The following CDH18 variants were observed in gnomAD, a reference collection of about 807,000 sequenced individuals.
CDH18 encodes cadherin-18.
In CDH18, 31 loss-of-function variants were observed where a neutral mutation model predicts 67.9. That is an observed-to-expected ratio of 0.46 (90% CI 0.34 to 0.62). The LOEUF (loss-of-function observed/expected upper bound fraction) is 0.62, where lower values mean the gene tolerates loss of function less well. Ranked by LOEUF, CDH18 falls within the 20% of genes least tolerant of loss-of-function variation. The pLI is 0.01. For missense variants in CDH18, 890 were observed against 975.5 expected (o/e 0.91, Z 1.17); for synonymous variants, 362 against 347.2 (o/e 1.04, Z -0.48).
chr5:20,327,188 A>G (rs1318272507), intron 1 of CDH18, among the ~76,000 whole-genome samples: 1 of 152,198 alleles, frequency 6.6e-6, no homozygotes, highest in Non-Finnish European at 1.5e-5. Context: ...CATTATGCCA[A>G]AGGGAAAGTT....
intron 5 of CDH18, among the ~76,000 whole-genome samples, chr5:19,641,986 T>C (rs1754067463): frequency 6.6e-6 from 1 of 152,058 alleles, no homozygotes; most frequent in Middle Eastern, 3.4e-3. Flanking sequence ...ATAATAAATC[T>C]AGTAAATTTG....
chr5:20,053,384 G>C (rs1741614973), intron 2 of CDH18, among the ~76,000 whole-genome samples: 1 of 151,348 alleles, frequency 6.6e-6, no homozygotes. Context: ...TTATTTCTTA[G>C]TGAGTCGATC....
chr5:20,133,999 G>T (rs1196323057), intron 2 of CDH18, among the ~76,000 whole-genome samples: 2 of 151,686 alleles, frequency 1.3e-5, no homozygotes, highest in Non-Finnish European at 2.9e-5. Flanking sequence ...TTTCTTTTTT[G>T]AGACAGTCTT....
At chr5:19,510,600 G>A (rs896571350) in intron 10 of CDH18, among the ~76,000 whole-genome samples, 1 of 152,072 alleles carries the variant, frequency 6.6e-6, no homozygotes, top group Non-Finnish European at 1.5e-5. Flanking sequence ...TATTAGAAGG[G>A]TAGTAATGTC....
intron 2 of CDH18, among the ~76,000 whole-genome samples, chr5:20,116,527 A>AAT (rs2126383666): frequency 6.6e-6 from 1 of 152,086 alleles, no homozygotes; most frequent in South Asian, 2.1e-4. Flanking sequence ...AAAAAAAAAA[A>AAT]ATTAAACTGT....
intron 5 of CDH18, among the ~76,000 whole-genome samples, chr5:19,614,003 G>A (rs925113870): frequency 2.6e-5 from 4 of 151,748 alleles, no homozygotes; most frequent in South Asian, 2.1e-4. Flanking sequence ...AATCAAACTC[G>A]CACTTGATTA....
chr5:20,317,451 G>A (rs1262268883), intron 1 of CDH18, among the ~76,000 whole-genome samples: 1 of 152,030 alleles, frequency 6.6e-6, no homozygotes, highest in African/African-American at 2.4e-5. Context: ...CTTTTGAAGA[G>A]AAACAATTCA....
chr5:19,493,958 T>A (rs1741886087), intron 11 of CDH18, among the ~76,000 whole-genome samples: 1 of 152,144 alleles, frequency 6.6e-6, no homozygotes, highest in Admixed American at 6.5e-5. Flanking sequence ...CATTGCTTAC[T>A]TGTCTCATGA....
intron 6 of CDH18, among the ~76,000 whole-genome samples, chr5:19,605,893 G>C (rs1747956495): frequency 6.6e-6 from 1 of 152,014 alleles, no homozygotes; most frequent in African/African-American, 2.4e-5. Context: ...AGAAACCTCA[G>C]GTAAGTGAGG....
intron 1 of CDH18, among the ~76,000 whole-genome samples, chr5:20,415,667 G>A (rs554642313): frequency 1.3e-3 from 205 of 152,138 alleles, no homozygotes; most frequent in Non-Finnish European, 2.1e-3. Context: ...CAGCTACTCG[G>A]GAGGCTGAGG....
chr5:20,132,085 A>G (rs1192134896), intron 2 of CDH18, among the ~76,000 whole-genome samples: 1 of 151,924 alleles, frequency 6.6e-6, no homozygotes, highest in Non-Finnish European at 1.5e-5. Context: ...GACGGGGTTT[A>G]ACCATGTTGA....
chr5:20,481,120 A>T (rs1752775161), intron 1 of CDH18, among the ~76,000 whole-genome samples: 1 of 152,046 alleles, frequency 6.6e-6, no homozygotes, highest in Admixed American at 6.6e-5. Flanking sequence ...AGACACACAT[A>T]GACTGAAAAT....
intron 1 of CDH18, among the ~76,000 whole-genome samples, chr5:20,443,221 A>AAAAAAAAAAAAAAAC (rs1425074444): frequency 1.3e-5 from 2 of 149,722 alleles, no homozygotes; most frequent in African/African-American, 5.0e-5. Flanking sequence ...AAAAAAAAAA[A>AAAAAAAAAAAAAAAC]AAAAAAAAAA....
upstream of CDH18, chr5:19,988,206 C>T (rs1213488444): frequency 4.6e-5 from 7 of 152,128 alleles, no homozygotes; most frequent in Non-Finnish European, 1.0e-4. Flanking sequence ...GACTCAGGCT[C>T]CGCGCACCTC....
intron 7 of CDH18, among the ~76,000 whole-genome samples, chr5:19,573,235 T>C (rs1343842324): frequency 6.6e-6 from 1 of 151,762 alleles, no homozygotes; most frequent in Non-Finnish European, 1.5e-5. Flanking sequence ...ACACTAGAAA[T>C]AAATTGCCAA....
intron 1 of CDH18, among the ~76,000 whole-genome samples, chr5:20,477,129 T>G (rs116585528): frequency 4.5e-4 from 68 of 152,140 alleles, no homozygotes; most frequent in African/African-American, 1.6e-3. Flanking sequence ...TCCATGGGAA[T>G]GATAATGGAA....
chr5:19,479,332 T>A (rs563659703), intron 12 of CDH18, among the ~76,000 whole-genome samples: 1 of 152,300 alleles, frequency 6.6e-6, no homozygotes, highest in South Asian at 2.1e-4. Context: ...TATTTCAGAA[T>A]TACGAGTTCA....
chr5:19,620,823 G>GA (rs1248304420), intron 5 of CDH18, among the ~76,000 whole-genome samples: 2 of 151,992 alleles, frequency 1.3e-5, no homozygotes, highest in African/African-American at 4.8e-5. Flanking sequence ...GCTGCCCAGG[G>GA]ATTCTGCAAA....
intron 1 of CDH18, among the ~76,000 whole-genome samples, chr5:20,487,545 A>T (rs529018484): frequency 2.6e-5 from 4 of 151,032 alleles, no homozygotes; most frequent in African/African-American, 9.7e-5. Context: ...TTCAGGTACA[A>T]CTTATTATAT....
Sources: gnomAD v4.1 joint callset for allele counts (sites outside exome capture counted in the v4.1 genomes callset) on GRCh38, gnomAD v4.1.1 for gene constraint, MANE v1.5 for transcripts, NCBI Gene and HGNC (gene_info 2026-07-23, HGNC 2026-07-21) for gene names.